The following IQGAP3 variants were observed in gnomAD, a reference collection of about 807,000 sequenced individuals.
IQGAP3 encodes ras GTPase-activating-like protein IQGAP3.
A neutral mutation model predicts 208.2 loss-of-function variants in IQGAP3; 165 were observed. The ratio of observed to expected loss-of-function variants is 0.79; its 90% confidence interval spans 0.70 to 0.90. IQGAP3 has a LOEUF of 0.90. Among genes scored for constraint, IQGAP3 ranks in the 40% least tolerant of loss-of-function variants. The pLI, the probability that IQGAP3 is intolerant of heterozygous loss-of-function variation, is 0.00. For synonymous variants in IQGAP3, 703 were observed against 803.6 expected (o/e 0.87, Z 2.12); for missense variants, 1,811 against 2,043.1 (o/e 0.89, Z 2.19).
In IQGAP3 at chr1:156,534,750, CTCTCCCAGAAGTG is replaced by C; in HGVS notation, c.3508-30_3508-18del. ...CCCGACCACCTGAGGGCAAAGGAGA[CTCTCCCAGAAGTG>C]TCCAGGGGCCGCCTTGACTGGTGCG... On this transcript the variant is annotated intron_variant, in intron 28 of 37. Transcript: ENST00000361170. 1 of 1,504,198 alleles carries C rather than the reference CTCTCCCAGAAGTG, an allele frequency of 6.6e-7. No individual in the cohort carries two copies. The highest frequency in any genetic ancestry group is 8.9e-7 in the Non-Finnish European group (1 of 1,125,190). 93.2% of individuals were successfully genotyped at this position (1,504,198 alleles called of 1,614,324 possible). A position where few individuals can be genotyped will look rare whatever the true frequency, so the allele number is the denominator to read the frequency against.
chr1:156,534,820 G>T, intron 28 of IQGAP3, 87 bp from the exon 29 acceptor site: 2 of 1,033,608 alleles, frequency 1.9e-6, no homozygotes, highest in Non-Finnish European at 2.8e-6. Context: ...TGGCTGGAAG[G>T]GACACCTGGG....
intron 34 of IQGAP3, among the ~76,000 whole-genome samples, chr1:156,529,843 C>T (rs1034700688): frequency 7.1e-6 from 1 of 140,596 alleles, no homozygotes; most frequent in African/African-American, 2.8e-5. Context: ...ATCACTTGAA[C>T]CCAGGAGGTG....
intron 19 of IQGAP3, among the ~76,000 whole-genome samples, chr1:156,545,129 T>C (rs962712515): frequency 6.6e-6 from 1 of 152,230 alleles, no homozygotes; most frequent in Non-Finnish European, 1.5e-5. Context: ...GCTGTCAGGC[T>C]GATGGCCTCT....
intron 16 of IQGAP3, among the ~76,000 whole-genome samples, chr1:156,549,657 C>T (rs2102404850): frequency 6.6e-6 from 1 of 152,004 alleles, no homozygotes; most frequent in Middle Eastern, 3.4e-3. Flanking sequence ...GCACTTTATG[C>T]AGGATATGGG....
At position 156,531,254 on chromosome 1, in the gene IQGAP3, AAGG is replaced by A. The variant is rs756770656; in HGVS notation, c.4104-10_4104-8del. On this transcript the variant is annotated splice_region_variant and splice_polypyrimidine_tract_variant and intron_variant, in intron 32 of 37. Coordinates refer to ENST00000361170, the MANE Select transcript of IQGAP3 (RefSeq NM_178229.5). ...GGCCAACAGCTGCTTGGTGCTGCACAAGGAGGACAGTGACAGAGGAGAGGTAAG... is the reference window on the plus strand; with the variant it reads ...GGCCAACAGCTGCTTGGTGCTGCACAAGGACAGTGACAGAGGAGAGGTAAG... The A allele has an allele frequency of 1.2e-6, 2 of 1,610,534 alleles. No homozygotes were observed. Among genetic ancestry groups the A allele is most frequent in the Admixed American group, 3.3e-5 (2 of 59,902 alleles).
At position 156,528,071 on chromosome 1, in the gene IQGAP3, C is replaced by T. The variant is rs372761785; in HGVS notation, c.4674-11G>A. 1.2e-6 allele frequency: 2 copies of T among 1,608,336 alleles called. No homozygotes were observed. The highest frequency in any genetic ancestry group is 3.3e-5 in the Admixed American group (2 of 60,018). On this transcript the variant is annotated splice_polypyrimidine_tract_variant and intron_variant, in intron 36 of 37. Transcript: ENST00000361170. ...ATGACGTTTCTGAAGCTGTCAGGAA[C>T]AGGATTCAAAACAGGAACCCACTGC...
intron 34 of IQGAP3, 65 bp downstream of exon 34, chr1:156,530,040 A>G (rs934234133): frequency 2.3e-6 from 3 of 1,290,834 alleles, no homozygotes; most frequent in Admixed American, 4.0e-5. Flanking sequence ...ATGGATTAAC[A>G]TGTATATGCA....
intron 1 of IQGAP3, among the ~76,000 whole-genome samples, chr1:156,570,561 C>T (rs1676602589): frequency 6.6e-6 from 1 of 152,190 alleles, no homozygotes; most frequent in Non-Finnish European, 1.5e-5. Flanking sequence ...CTCTGTCACC[C>T]AGGCTGGAGT....
In IQGAP3 at chr1:156,526,273, C is replaced by A; in HGVS notation, c.*213G>T. 1.8e-6 allele frequency: 1 copy of A among 570,888 alleles called. No homozygotes were observed. The allele number at this position is 570,888 out of a possible 1,614,324, so 35.4% of individuals were successfully genotyped here. A position where few individuals can be genotyped will look rare whatever the true frequency, so the allele number is the denominator to read the frequency against. On this transcript the variant is annotated 3_prime_UTR_variant, in exon 38 of 38. Transcript: ENST00000361170. ...GTCATGCATGATAAAAGCCACACAG[C>A]TGGACTCTGGGCAAGGCCCACTTTA...
In IQGAP3 at chr1:156,564,665, G is replaced by A; in HGVS notation, c.387C>T (p.Ile129=). 1 of 1,613,866 alleles carries A rather than the reference G, an allele frequency of 6.2e-7. No individual in the cohort carries two copies. Among genetic ancestry groups the A allele is most frequent in the South Asian group, 1.1e-5 (1 of 91,066 alleles). Residue 129 remains isoleucine (I), a synonymous_variant, in exon 5 of 38, where the codon ATC becomes ATT. Transcript: ENST00000361170. ...PSTFFPETTD[I]YDKKNMPRVV... is the part of the protein sequence containing the mutation. ...CCCGGGGCATGTTCTTTTTGTCATA[G>A]ATGTCCGTGGTCTCTGGGAAGAAGG... is the stretch of plus-strand genomic sequence containing the variant.
chr1:156,535,463 G>A (rs1674646608), intron 27 of IQGAP3, among the ~76,000 whole-genome samples: 1 of 152,100 alleles, frequency 6.6e-6, no homozygotes, highest in African/African-American at 2.4e-5. Context: ...TATGTCAGTA[G>A]TCAGGACCAG....
At chr1:156,562,547 T>G in intron 9 of IQGAP3, 40 bp downstream of exon 9, 15 of 1,535,728 alleles carry the variant, frequency 9.8e-6, no homozygotes, top group Non-Finnish European at 1.4e-5. Flanking sequence ...GGGCTTACCC[T>G]GAGGTCACCC....
In IQGAP3 at chr1:156,535,178, G is replaced by C. The variant is rs980502581; in HGVS notation, c.3492C>G (p.Asp1164Glu). The change falls in exon 28 of 38, where the codon GAC (aspartate) becomes GAG (glutamate). Residue 1164 changes from aspartate to glutamate, a missense_variant. Transcript: ENST00000361170. ...CAACACTTGCCTTATAGACCTCGCT[G>C]TCTGTGGCGTCAGGGAATTTCTCTG... ...TLAEKFPDATDSEVYKVVGNL... is the reference protein window; with the variant it reads ...TLAEKFPDATESEVYKVVGNL... 1 of 1,613,332 alleles carries C rather than the reference G, an allele frequency of 6.2e-7. No individual in the cohort carries two copies. The highest frequency in any genetic ancestry group is 1.7e-5 in the Admixed American group (1 of 59,942).
rs1005181437 is a variant in IQGAP3, at chr1:156,526,009, C to A, written c.*477G>T. Reference sequence around the variant, plus strand: ...GGGTGTGCAGATCACAGCAGCAGAGCTGCCTAGACTCAGGAAGGGCAGGAA... The same window carrying A: ...GGGTGTGCAGATCACAGCAGCAGAGATGCCTAGACTCAGGAAGGGCAGGAA... On this transcript the variant is annotated 3_prime_UTR_variant, in exon 38 of 38. Coordinates refer to ENST00000361170, the MANE Select transcript of IQGAP3 (RefSeq NM_178229.5). The A allele has an allele frequency of 5.8e-6, 1 of 171,000 alleles. No homozygotes were observed. The highest frequency in any genetic ancestry group is 2.4e-5 in the African/African-American group (1 of 42,302). 10.6% of individuals were successfully genotyped at this position (171,000 alleles called of 1,614,324 possible). A position where few individuals can be genotyped will look rare whatever the true frequency, so the allele number is the denominator to read the frequency against.
rs1277912590 is a variant in IQGAP3, at chr1:156,566,063, A to G, written c.324T>C (p.Phe108=). ...CGATGTGGGCTATTGCAGATAGCCA[A>G]AAGTTGATGTTGTCTGTGTGACGGA... The part of the protein sequence containing the change: ...LHFRHTDNIN[F]WLSAIAHIGL... Residue 108 remains phenylalanine (F), a synonymous_variant, in exon 4 of 38, where the codon TTT becomes TTC. Coordinates refer to ENST00000361170, the MANE Select transcript of IQGAP3 (RefSeq NM_178229.5). The G allele has an allele frequency of 6.2e-7, 1 of 1,613,994 alleles. No homozygotes were observed. The highest frequency in any genetic ancestry group is 8.5e-7 in the Non-Finnish European group (1 of 1,179,886).
chr1:156,538,352 G>A (rs1015880570), intron 26 of IQGAP3, among the ~76,000 whole-genome samples: 4 of 152,124 alleles, frequency 2.6e-5, no homozygotes, highest in South Asian at 2.1e-4. Flanking sequence ...GAGCCACCAC[G>A]CCTGACCTAC....
chr1:156,560,537 G>C (rs1474271473), intron 11 of IQGAP3, among the ~76,000 whole-genome samples: 1 of 152,104 alleles, frequency 6.6e-6, no homozygotes, highest in African/African-American at 2.4e-5. Flanking sequence ...AAACAAAAAA[G>C]AATTACATTT....
Position 156,563,214 on chromosome 1 carries a change from G to A in IQGAP3, c.718C>T (p.Leu240Phe). 6.2e-7 allele frequency: 1 copy of A among 1,613,426 alleles called. No homozygotes were observed. Among genetic ancestry groups the A allele is most frequent in the South Asian group, 1.1e-5 (1 of 91,032 alleles). ...TAGACGGCTGCCAGAGGCTCTCGGA[G>A]ATTCTCCAGAAGAGCACTGGGATTC... The part of the protein sequence containing the change: ...LQNPSALLEN[L>F]REPLAAVYQE... The change falls in exon 8 of 38, where the codon CTC becomes TTC. Residue 240 changes from leucine (L) to phenylalanine (F), a missense_variant. Transcript: ENST00000361170.
chr1:156,538,414 C>T (rs1451581599), intron 26 of IQGAP3, among the ~76,000 whole-genome samples: 3 of 151,954 alleles, frequency 2.0e-5, no homozygotes, highest in African/African-American at 7.3e-5. Context: ...GTCTCAAACT[C>T]CTGACCTCAG....
Sources: allele counts gnomAD v4.1 joint callset (sites outside exome capture counted in the v4.1 genomes callset), GRCh38; gene constraint gnomAD v4.1.1; transcripts MANE v1.5; gene names NCBI Gene and HGNC (gene_info 2026-07-23, HGNC 2026-07-21).